RBFOX1: variants seen among roughly 807,000 people sequenced by gnomAD.
RBFOX1 encodes RNA binding fox-1 homolog 1.
In RBFOX1, 8 loss-of-function variants were observed where a neutral mutation model predicts 57.7. That is an observed-to-expected ratio of 0.14 (90% CI 0.08 to 0.25). RBFOX1 has a LOEUF of 0.25. RBFOX1 is among the 10% of genes least tolerant of loss of function. The pLI is 1.00. For missense variants in RBFOX1, 611 were observed against 548.5 expected (o/e 1.11, Z -1.14); for synonymous variants, 326 against 222.4 (o/e 1.47, Z -4.15).
intron 1 of RBFOX1, among the ~76,000 whole-genome samples, chr16:5,340,202 C>A (rs1193421283): frequency 6.6e-6 from 1 of 152,066 alleles, no homozygotes; most frequent in Non-Finnish European, 1.5e-5. Flanking sequence ...ACATCTGGGG[C>A]TTTTATTCTT....
chr16:6,745,637 T>C (rs921926783), intron 3 of RBFOX1, among the ~76,000 whole-genome samples: 5 of 152,176 alleles, frequency 3.3e-5, no homozygotes, highest in Admixed American at 1.3e-4. Flanking sequence ...GAATAGAAGA[T>C]AAATTGGTCA....
chr16:6,758,937 A>G (rs1479226472), intron 3 of RBFOX1, among the ~76,000 whole-genome samples: 3 of 152,082 alleles, frequency 2.0e-5, no homozygotes, highest in African/African-American at 4.8e-5. Context: ...GAGTTTAGAA[A>G]GAGGAAAAGC....
chr16:7,261,818 C>A (rs933634919), intron 4 of RBFOX1, among the ~76,000 whole-genome samples: 1 of 152,178 alleles, frequency 6.6e-6, no homozygotes, highest in Non-Finnish European at 1.5e-5. Flanking sequence ...GAAAGCATTA[C>A]TGATATCCAG....
intron 4 of RBFOX1, among the ~76,000 whole-genome samples, chr16:7,178,166 C>A (rs1490750576): frequency 6.6e-6 from 1 of 152,224 alleles, no homozygotes; most frequent in Admixed American, 6.5e-5. Flanking sequence ...CATGTTTATT[C>A]CTTGCTCATG....
chr16:7,348,469 T>C (rs898378354), intron 4 of RBFOX1, among the ~76,000 whole-genome samples: 2 of 152,164 alleles, frequency 1.3e-5, no homozygotes, highest in African/African-American at 4.8e-5. Flanking sequence ...AACAAACACA[T>C]ATTCCGTGTC....
intron 2 of RBFOX1, among the ~76,000 whole-genome samples, chr16:5,571,755 G>A (rs552628759): frequency 2.0e-5 from 3 of 152,218 alleles, no homozygotes; most frequent in East Asian, 1.9e-4. Context: ...CAATAAATAC[G>A]AAGGGAGCTA....
At chr16:6,807,447 A>C (rs948003248) in intron 3 of RBFOX1, among the ~76,000 whole-genome samples, 1 of 152,178 alleles carries the variant, frequency 6.6e-6, no homozygotes, top group Admixed American at 6.5e-5. Flanking sequence ...TGCTGGAGGA[A>C]TGTTGGAGTA....
intron 3 of RBFOX1, among the ~76,000 whole-genome samples, chr16:7,035,375 C>G (rs903283806): frequency 6.6e-6 from 1 of 152,120 alleles, no homozygotes; most frequent in African/African-American, 2.4e-5. Context: ...CCTCATGATA[C>G]GGATCACGTT....
At chr16:6,505,560 G>C (rs112070132) in intron 2 of RBFOX1, among the ~76,000 whole-genome samples, 234 of 152,314 alleles carry the variant, frequency 1.5e-3, no homozygotes, top group African/African-American at 5.4e-3. Context: ...CAGCTAGACA[G>C]AGATTATGGG....
chr16:6,238,019 A>G (rs1278533439), intron 1 of RBFOX1, among the ~76,000 whole-genome samples: 7 of 146,242 alleles, frequency 4.8e-5, no homozygotes, highest in Non-Finnish European at 1.0e-4. Flanking sequence ...TGAACCTGGG[A>G]GGCAGAGATT....
At chr16:5,540,143 C>T (rs1050549422) in intron 2 of RBFOX1, among the ~76,000 whole-genome samples, 1 of 152,060 alleles carries the variant, frequency 6.6e-6, no homozygotes, top group Non-Finnish European at 1.5e-5. Flanking sequence ...GAAGCCGAAG[C>T]CTTTTGCAAA....
intron 4 of RBFOX1, among the ~76,000 whole-genome samples, chr16:7,348,219 T>C (rs1452136321): frequency 6.6e-6 from 1 of 152,110 alleles, no homozygotes; most frequent in Non-Finnish European, 1.5e-5. Context: ...TAAACCACAA[T>C]CCGCTACCCA....
At chr16:7,180,021 G>T (rs1231815110) in intron 4 of RBFOX1, among the ~76,000 whole-genome samples, 1 of 152,022 alleles carries the variant, frequency 6.6e-6, no homozygotes, top group Non-Finnish European at 1.5e-5. Flanking sequence ...GGAAATATAG[G>T]CTTGAGCCAC....
chr16:6,757,134 A>G (rs1411474242), intron 3 of RBFOX1, among the ~76,000 whole-genome samples: 1 of 152,250 alleles, frequency 6.6e-6, no homozygotes, highest in Non-Finnish European at 1.5e-5. Flanking sequence ...CTATTATCAA[A>G]AAGATAAAAA....
chr16:7,082,191 A>G (rs1057146156), intron 4 of RBFOX1, among the ~76,000 whole-genome samples: 6 of 152,282 alleles, frequency 3.9e-5, no homozygotes, highest in Admixed American at 1.3e-4. Context: ...AGCTACTGCA[A>G]CATTGAAGAC....
At chr16:6,603,836 C>T (rs1333420902) in intron 2 of RBFOX1, among the ~76,000 whole-genome samples, 1 of 152,132 alleles carries the variant, frequency 6.6e-6, no homozygotes, top group Non-Finnish European at 1.5e-5. Flanking sequence ...TAGACATAGA[C>T]AGTTGTCCAT....
chr16:6,807,224 G>C (rs2087062642), intron 3 of RBFOX1, among the ~76,000 whole-genome samples: 1 of 152,076 alleles, frequency 6.6e-6, no homozygotes, highest in African/African-American at 2.4e-5. Flanking sequence ...TGTTCCAGTA[G>C]TTCAAGTGAC....
intron 3 of RBFOX1, among the ~76,000 whole-genome samples, chr16:5,722,917 C>T (rs912442867): frequency 6.6e-6 from 1 of 152,166 alleles, no homozygotes; most frequent in Non-Finnish European, 1.5e-5. Context: ...TGGAAGTTCT[C>T]ACCATATTTA....
intron 5 of RBFOX1, among the ~76,000 whole-genome samples, chr16:7,539,172 A>G (rs2082260494): frequency 6.6e-6 from 1 of 152,298 alleles, no homozygotes; most frequent in South Asian, 2.1e-4. Flanking sequence ...AACCGTCTTG[A>G]GTCCACCATG....
Sources: allele counts gnomAD v4.1 joint callset (sites outside exome capture counted in the v4.1 genomes callset), GRCh38; gene constraint gnomAD v4.1.1; transcripts MANE v1.5; gene names NCBI Gene and HGNC (gene_info 2026-07-23, HGNC 2026-07-21).